KCNU1: variants seen among roughly 807,000 people sequenced by gnomAD.
KCNU1 encodes the protein potassium calcium-activated channel subfamily U member 1.
A neutral mutation model predicts 126.8 loss-of-function variants in KCNU1; 93 were observed. That is an observed-to-expected ratio of 0.73 (90% CI 0.62 to 0.87). KCNU1 has a LOEUF of 0.87. Among genes scored for constraint, KCNU1 ranks in the 40% least tolerant of loss-of-function variants. The pLI, the probability that KCNU1 is intolerant of heterozygous loss-of-function variation, is 0.00. For missense variants in KCNU1, 1,330 were observed against 1,367.1 expected (o/e 0.97, Z 0.43); for synonymous variants, 523 against 494.2 (o/e 1.06, Z -0.77).
chr8:36,838,423 G>T (rs1804831644), intron 14 of KCNU1, among the ~76,000 whole-genome samples: 1 of 152,168 alleles, frequency 6.6e-6, no homozygotes, highest in Non-Finnish European at 1.5e-5. Flanking sequence ...AGGTGTGGTG[G>T]CTCACGCCTG....
At chr8:36,927,963 G>C (rs531674748) in intron 24 of KCNU1, among the ~76,000 whole-genome samples, 1 of 143,994 alleles carries the variant, frequency 6.9e-6, no homozygotes, top group East Asian at 2.2e-4. Flanking sequence ...AGGGAGGGAA[G>C]GACGAAGGGA....
chr8:36,849,107 A>C (rs917258479), intron 18 of KCNU1, among the ~76,000 whole-genome samples: 1 of 152,118 alleles, frequency 6.6e-6, no homozygotes, highest in African/African-American at 2.4e-5. Flanking sequence ...AGCCAATAGA[A>C]GTCACTCTTC....
intron 7 of KCNU1, among the ~76,000 whole-genome samples, chr8:36,809,320 A>G (rs974488111): frequency 6.6e-6 from 1 of 152,164 alleles, no homozygotes; most frequent in African/African-American, 2.4e-5. Flanking sequence ...GATCTCAGCT[A>G]TAGGAAAGGA....
At chr8:36,816,725 G>A (rs556834562) in intron 9 of KCNU1, among the ~76,000 whole-genome samples, 83 of 152,140 alleles carry the variant, frequency 5.5e-4, no homozygotes, top group Non-Finnish European at 1.0e-3. Context: ...CTTTAAATGC[G>A]TTAAACGTAA....
rs1029430306 is a variant in KCNU1 at position 36,838,485 on chromosome 8, G to A, written c.1518+1540G>A. ...GTTGGTGGGTCACTCGAGCTCAGGA[G>A]TTTGAGACCAACCTTGCCAACGTAG... On this transcript the variant is annotated intron_variant, in intron 14 of 26. Coordinates refer to ENST00000399881, the MANE Select transcript of KCNU1 (RefSeq NM_001031836.3). Among the ~76,000 whole-genome samples, 6 of 152,248 alleles carry A rather than the reference G, an allele frequency of 3.9e-5. No homozygotes were observed. In the East Asian group the frequency reaches 7.7e-4, roughly 20 times the overall value.
intron 18 of KCNU1, 48 bp downstream of exon 18, chr8:36,845,947 C>A: frequency 9.0e-7 from 1 of 1,110,900 alleles, no homozygotes; most frequent in Non-Finnish European, 1.3e-6. Flanking sequence ...CTCTAGGGAG[C>A]TGCCTGACGA....
At position 36,905,812 on chromosome 8, in the gene KCNU1, A is replaced by C. The variant is rs778240535; in HGVS notation, c.2106+8A>C. ...TTGGACAAGGTGACTCTGGTAGGTG[A>C]TCTTGCATCATCAAATCTCAAATAA... On this transcript the variant is annotated splice_region_variant and intron_variant, in intron 20 of 26. Coordinates refer to ENST00000399881, the MANE Select transcript of KCNU1 (RefSeq NM_001031836.3). 1.7e-5 allele frequency: 23 copies of C among 1,320,918 alleles called. No individual in the cohort carries two copies. The highest frequency in any genetic ancestry group is 1.6e-5 in the Non-Finnish European group (15 of 941,606). 81.8% of individuals were successfully genotyped at this position (1,320,918 alleles called of 1,614,324 possible).
chr8:36,874,746 A>G (rs1806219722), intron 19 of KCNU1, among the ~76,000 whole-genome samples: 1 of 152,192 alleles, frequency 6.6e-6, no homozygotes, highest in South Asian at 2.1e-4. Flanking sequence ...AATTATTTAT[A>G]CCTTTTAAAA....
At chr8:36,874,317 A>G (rs996154971) in intron 19 of KCNU1, among the ~76,000 whole-genome samples, 2 of 152,160 alleles carry the variant, frequency 1.3e-5, no homozygotes, top group African/African-American at 4.8e-5. Context: ...TTTTTCCTAA[A>G]TGCTATTCTG....
chr8:36,917,354 CT>C (rs35473262), intron 22 of KCNU1, among the ~76,000 whole-genome samples: 5,330 of 143,338 alleles, frequency 0.037, 285 homozygotes, highest in African/African-American at 0.12. Flanking sequence ...CCACCAACTT[CT>C]TTTTTTTTTT....
At chr8:36,913,599 C>T (rs7828031) in intron 22 of KCNU1, among the ~76,000 whole-genome samples, 8,533 of 138,404 alleles carry the variant, frequency 0.062, 273 homozygotes, top group African/African-American at 0.077. Flanking sequence ...AGTGAGGTCA[C>T]ATTTTTTTTT....
At chr8:36,822,169 G>C (rs1312303055) in intron 10 of KCNU1, among the ~76,000 whole-genome samples, 1 of 151,956 alleles carries the variant, frequency 6.6e-6, no homozygotes, top group African/African-American at 2.4e-5. Flanking sequence ...ACTCCTGACA[G>C]CATCTGCTTT....
At chr8:36,835,367 G>A (rs1345960092) in intron 12 of KCNU1, among the ~76,000 whole-genome samples, 7 of 147,006 alleles carry the variant, frequency 4.8e-5, no homozygotes, top group East Asian at 2.4e-4. Flanking sequence ...TTTTTGAGAC[G>A]GAGTTTTGCT....
chr8:36,871,886 G>A (rs879015628), intron 19 of KCNU1, among the ~76,000 whole-genome samples: 4 of 152,014 alleles, frequency 2.6e-5, no homozygotes, highest in South Asian at 2.1e-4. Context: ...CTCCTAAAAG[G>A]CAGGAATGAG....
rs372413355 is a variant in KCNU1, at chr8:36,845,590, C to A, written c.1714C>A (p.Leu572Ile). The A allele has an allele frequency of 6.2e-7, 1 of 1,603,344 alleles. No individual in the cohort carries two copies. Among genetic ancestry groups the A allele is most frequent in the Non-Finnish European group, 8.5e-7 (1 of 1,171,022 alleles). ...LFTDGFCGLILNPPPQVRIRK... is the reference protein window; with the variant it reads ...LFTDGFCGLIINPPPQVRIRK... Reference sequence around the variant, plus strand: ...ATTTTTTGTTTCCAGTGGTCTGATACTAAATCCACCTCCACAAGTGAGGAT... The same window carrying A: ...ATTTTTTGTTTCCAGTGGTCTGATAATAAATCCACCTCCACAAGTGAGGAT... Residue 572 changes from leucine (L) to isoleucine (I), a missense_variant, in exon 17 of 27, where the codon CTA (leucine) becomes ATA (isoleucine). Leu to Ile is a conservative substitution (Grantham distance 5). Transcript: ENST00000399881.
At chr8:36,827,528 A>G (rs1404898242) in intron 10 of KCNU1, among the ~76,000 whole-genome samples, 1 of 152,142 alleles carries the variant, frequency 6.6e-6, no homozygotes, top group African/African-American at 2.4e-5. Flanking sequence ...TTGGCCTGAT[A>G]ACTCTTCATT....
chr8:36,871,500 G>T (rs1202117370), intron 19 of KCNU1, among the ~76,000 whole-genome samples: 1 of 151,740 alleles, frequency 6.6e-6, no homozygotes, highest in African/African-American at 2.4e-5. Flanking sequence ...TATTGTTATT[G>T]CTTAAAAATA....
chr8:36,830,443 C>A (rs140389307), intron 10 of KCNU1, among the ~76,000 whole-genome samples: 88 of 151,920 alleles, frequency 5.8e-4, no homozygotes, highest in African/African-American at 2.1e-3. Flanking sequence ...TTTGTCTCTG[C>A]GTCTGAGGTG....
At chr8:36,872,270 TA>T in intron 19 of KCNU1, among the ~76,000 whole-genome samples, 1 of 152,126 alleles carries the variant, frequency 6.6e-6, no homozygotes, top group East Asian at 1.9e-4. Context: ...AAGCCCTAAC[TA>T]ACAAATTTCA....
Sources: gnomAD v4.1 joint callset for allele counts (sites outside exome capture counted in the v4.1 genomes callset) on GRCh38, gnomAD v4.1.1 for gene constraint, MANE v1.5 for transcripts, NCBI Gene and HGNC (gene_info 2026-07-23, HGNC 2026-07-21) for gene names.